The following FSHR variants were observed in gnomAD, a reference collection of about 807,000 sequenced individuals.
The protein encoded by FSHR is follicle stimulating hormone receptor.
A neutral mutation model predicts 52.1 loss-of-function variants in FSHR; 46 were observed. The observed-to-expected ratio is 0.88, with a 90% CI of 0.70 to 1.13. The LOEUF is 1.13. Ranked by LOEUF, FSHR falls within the 50% of genes most tolerant of loss-of-function variation. The pLI is 0.00. For synonymous variants in FSHR, 399 were observed against 309.6 expected, an observed-to-expected ratio of 1.29 and a Z score of -3.03; for missense variants, 964 against 834.6, an observed-to-expected ratio of 1.16 and a Z score of -1.91.
intron 8 of FSHR, among the ~76,000 whole-genome samples, chr2:48,977,683 G>C: frequency 6.6e-6 from 1 of 152,068 alleles, no homozygotes; most frequent in East Asian, 1.9e-4. Context: ...TCATCCCTTG[G>C]CCAGATGCAT....
chr2:49,153,626 ATAGTT>A (rs1673138259), intron 1 of FSHR, among the ~76,000 whole-genome samples: 1 of 152,182 alleles, frequency 6.6e-6, no homozygotes, highest in Admixed American at 6.6e-5. Context: ...TCCTGTTAAA[ATAGTT>A]AAGTAAATTT....
intron 2 of FSHR, among the ~76,000 whole-genome samples, chr2:49,021,056 A>G (rs1667678571): frequency 6.6e-6 from 1 of 152,208 alleles, no homozygotes; most frequent in Non-Finnish European, 1.5e-5. Context: ...TTACCTATTT[A>G]ACAAACCTGC....
At chr2:49,059,679 C>A (rs1264569802) in intron 2 of FSHR, 1 of 152,214 alleles carries the variant, frequency 6.6e-6, no homozygotes, top group African/African-American at 2.4e-5. Flanking sequence ...TAACAGATGC[C>A]CCCTTTCACC....
chr2:48,963,699 G>T lies in FSHR; in HGVS notation c.1122C>A (p.Ile374=). The T allele has an allele frequency of 1.2e-6, 2 of 1,614,176 alleles. No individual in the cohort carries two copies. Among genetic ancestry groups the T allele is most frequent in the Non-Finnish European group, 1.7e-6 (2 of 1,180,030 alleles). ...CTATGATGTTCCCAGTGATGGCCAG[G>T]ATGCTGATAAACCATATCAGGACTC... ...ILRVLIWFIS[I]LAITGNIIVL... The change falls in exon 10 of 10, where the codon ATC becomes ATA. Residue 374 remains isoleucine (I), a synonymous_variant. Transcript: ENST00000406846.
chr2:49,032,074 C>A lies in FSHR; in HGVS notation c.225-11914G>T, dbSNP rs192940373. The stretch of plus-strand genomic sequence containing the variant: ...TGAAGTCCTTTGCCTTATATTGAGT[C>A]AAGTAAACATATACTTTACCCTCCC... On this transcript the variant is annotated intron_variant, in intron 2 of 9. Coordinates refer to ENST00000406846, the MANE Select transcript of FSHR (RefSeq NM_000145.4). 1.6e-4 allele frequency among the ~76,000 whole-genome samples: 24 copies of A among 152,188 alleles called. 1 individual carries two copies. Among genetic ancestry groups the A allele is most frequent in the Admixed American group, 1.4e-3 (22 of 15,274 alleles).
intron 8 of FSHR, among the ~76,000 whole-genome samples, chr2:48,975,781 C>G (rs1381382154): frequency 2.0e-5 from 3 of 152,078 alleles, no homozygotes; most frequent in Non-Finnish European, 4.4e-5. Context: ...TGATTTGGCC[C>G]TCTGTTTGTC....
intron 1 of FSHR, among the ~76,000 whole-genome samples, chr2:49,100,477 C>T (rs1330175472): frequency 6.6e-6 from 1 of 152,132 alleles, no homozygotes; most frequent in Non-Finnish European, 1.5e-5. Context: ...TATGGAAAGC[C>T]TTGGAAAAGA....
chr2:49,144,263 C>T lies in FSHR; in HGVS notation c.152+10003G>A, dbSNP rs537490619. 3.3e-5 allele frequency among the ~76,000 whole-genome samples: 5 copies of T among 152,278 alleles called. No homozygotes were observed. The East Asian group carries it at 9.7e-4, about 29-fold the overall frequency. On this transcript the variant is annotated intron_variant, in intron 1 of 9. Transcript: ENST00000406846. Reference sequence around the variant, plus strand: ...TCCCCAACAAACAGCCTAGCTGTTTCTTTGGCTGAGGTTCTTAAATCTGCT... The same window carrying T: ...TCCCCAACAAACAGCCTAGCTGTTTTTTTGGCTGAGGTTCTTAAATCTGCT...
rs369425268 is a variant in FSHR at position 49,106,253 on chromosome 2, T to C, written c.153-37963A>G. Among the ~76,000 whole-genome samples, 18 of 152,226 alleles carry C rather than the reference T, an allele frequency of 1.2e-4. No individual in the cohort carries two copies. In the South Asian group the frequency reaches 1.9e-3, roughly 16 times the overall value. On this transcript the variant is annotated intron_variant, in intron 1 of 9. Transcript: ENST00000406846. ...GTGCAAACACTGCAGGGAGAAGATA[T>C]GCAAGGGCACACTTATACCTAGGAG...
intron 1 of FSHR, among the ~76,000 whole-genome samples, chr2:49,093,640 G>A (rs188478584): frequency 4.2e-4 from 61 of 146,858 alleles, no homozygotes; most frequent in African/African-American, 1.4e-3. Context: ...TGTCTCCCAG[G>A]CTGGAGTTCA....
intron 2 of FSHR, among the ~76,000 whole-genome samples, chr2:49,030,493 A>AT (rs1187092665): frequency 6.6e-6 from 1 of 151,958 alleles, no homozygotes. Context: ...TAATTACTCT[A>AT]TTTTTTATGC....
intron 2 of FSHR, among the ~76,000 whole-genome samples, chr2:49,064,185 G>T (rs533944459): frequency 2.6e-4 from 39 of 151,920 alleles, no homozygotes; most frequent in African/African-American, 9.4e-4. Flanking sequence ...GGAGAGGGAA[G>T]AGCATGCTGG....
chr2:49,084,715 A>T (rs1248796942), intron 1 of FSHR, among the ~76,000 whole-genome samples: 1 of 152,194 alleles, frequency 6.6e-6, no homozygotes, highest in African/African-American at 2.4e-5. Context: ...TACTACAAAC[A>T]CCTCTATGCA....
At position 49,124,626 on chromosome 2, in the gene FSHR, C is replaced by A. The variant is rs150859169; in HGVS notation, c.152+29640G>T. Among the ~76,000 whole-genome samples the A allele has an allele frequency of 3.6e-3, 546 of 152,140 alleles. 4 individuals carry two copies. The highest frequency in any genetic ancestry group is 0.012 in the African/African-American group (513 of 41,504). On this transcript the variant is annotated intron_variant, in intron 1 of 9. Coordinates refer to ENST00000406846, the MANE Select transcript of FSHR (RefSeq NM_000145.4). ...ATTTTCTCTCATGTCCCCAATTAGA[C>A]TTGTCAGTAGTCTTGTTGTCACAAC...
At chr2:48,980,398 C>T (rs980226784) in intron 8 of FSHR, among the ~76,000 whole-genome samples, 2 of 152,136 alleles carry the variant, frequency 1.3e-5, no homozygotes, top group African/African-American at 4.8e-5. Context: ...GAATTGCTTC[C>T]GATGCTTTCA....
At chr2:49,141,551 G>A (rs1672687635) in intron 1 of FSHR, among the ~76,000 whole-genome samples, 1 of 152,134 alleles carries the variant, frequency 6.6e-6, no homozygotes, top group South Asian at 2.1e-4. Context: ...CCACCCCAAT[G>A]ATCCAAATAC....
At chr2:49,098,863 A>G (rs1386226411) in intron 1 of FSHR, among the ~76,000 whole-genome samples, 1 of 146,604 alleles carries the variant, frequency 6.8e-6, no homozygotes, top group Non-Finnish European at 1.5e-5. Flanking sequence ...TTTATATATA[A>G]TATATACTTA....
chr2:49,076,055 T>G (rs1165699255), intron 1 of FSHR, among the ~76,000 whole-genome samples: 2 of 152,320 alleles, frequency 1.3e-5, no homozygotes, highest in African/African-American at 4.8e-5. Context: ...ATTAACAAAT[T>G]GTGTTGGTAA....
chr2:49,099,376 C>T (rs1227147535), intron 1 of FSHR, among the ~76,000 whole-genome samples: 4 of 152,052 alleles, frequency 2.6e-5, no homozygotes, highest in Non-Finnish European at 4.4e-5. Context: ...CTTTTCCCTT[C>T]CGCCATGATC....
Sources: gnomAD v4.1 joint callset for allele counts (sites outside exome capture counted in the v4.1 genomes callset) on GRCh38, gnomAD v4.1.1 for gene constraint, MANE v1.5 for transcripts, NCBI Gene and HGNC (gene_info 2026-07-23, HGNC 2026-07-21) for gene names.